CCBE1: variants seen among roughly 807,000 people sequenced by gnomAD.
The protein encoded by CCBE1 is collagen and calcium-binding EGF domain-containing protein 1.
In CCBE1, 37 loss-of-function variants were observed where a neutral mutation model predicts 50.0. The ratio of observed to expected loss-of-function variants is 0.74; its 90% CI spans 0.57 to 0.97. The LOEUF (loss-of-function observed/expected upper bound fraction) is 0.97. CCBE1 is among the 50% of genes least tolerant of loss of function. The pLI is 0.00. For synonymous variants in CCBE1, 234 were observed against 203.7 expected (o/e 1.15, Z -1.27); for missense variants, 538 against 523.8 (o/e 1.03, Z -0.26).
At chr18:59,480,270 A>T (rs1446254939) in intron 2 of CCBE1, 32 bp from the exon 3 acceptor site, 8 of 1,432,412 alleles carry the variant, frequency 5.6e-6, no homozygotes, top group East Asian at 4.6e-5. Context: ...AAAATATAAT[A>T]ATTAGGCTAA....
chr18:59,439,580 T>G lies in CCBE1; in HGVS notation c.916-2A>C. 6.2e-7 allele frequency: 1 copy of G among 1,614,268 alleles called. No homozygotes were observed. Among genetic ancestry groups the G allele is most frequent in the African/African-American group, 1.3e-5 (1 of 75,070 alleles). ...TCTTCCTGGTGCCCCTGGTGGACCC[T>G]GTAATACAAAAGGATCTGGTTTAAC... On this transcript the variant is annotated splice_acceptor_variant, in intron 8 of 10. Transcript: ENST00000439986. LOFTEE classifies it high-confidence loss of function.
chr18:59,479,571 C>T (rs111785867), intron 3 of CCBE1, among the ~76,000 whole-genome samples: 2 of 152,230 alleles, frequency 1.3e-5, no homozygotes, highest in South Asian at 4.1e-4. Flanking sequence ...CATACTAATA[C>T]TACCCTGTAA....
intron 2 of CCBE1, among the ~76,000 whole-genome samples, chr18:59,516,716 A>AC (rs1914389847): frequency 2.0e-5 from 3 of 152,008 alleles, no homozygotes; most frequent in African/African-American, 7.3e-5. Context: ...TTACAACATG[A>AC]CCTAGTTCCT....
chr18:59,525,409 TTTAA>T (rs1914777460), intron 2 of CCBE1, among the ~76,000 whole-genome samples: 1 of 152,246 alleles, frequency 6.6e-6, no homozygotes, highest in Admixed American at 6.5e-5. Context: ...TTGCCAACTT[TTTAA>T]TTAGATTTTT....
chr18:59,576,105 A>C (rs1372806317), intron 2 of CCBE1, among the ~76,000 whole-genome samples: 1 of 152,168 alleles, frequency 6.6e-6, no homozygotes, highest in African/African-American at 2.4e-5. Context: ...TCCATTCATG[A>C]GTGTATGTTC....
intron 2 of CCBE1, among the ~76,000 whole-genome samples, chr18:59,536,473 T>C (rs1173270863): frequency 6.6e-6 from 1 of 152,158 alleles, no homozygotes; most frequent in Non-Finnish European, 1.5e-5. Context: ...CCGAAGACAA[T>C]TTCAAAAAGA....
intron 2 of CCBE1, among the ~76,000 whole-genome samples, chr18:59,482,293 C>G (rs891790247): frequency 6.6e-6 from 1 of 152,118 alleles, no homozygotes; most frequent in Non-Finnish European, 1.5e-5. Context: ...AGTCAGGAAA[C>G]AACAGATGCT....
intron 2 of CCBE1, among the ~76,000 whole-genome samples, chr18:59,549,585 A>G (rs934564616): frequency 2.0e-5 from 3 of 152,338 alleles, no homozygotes; most frequent in South Asian, 4.1e-4. Context: ...ACCTTACTCC[A>G]AGTCCCACTG....
chr18:59,473,815 C>CCT (rs1568159444), intron 3 of CCBE1, among the ~76,000 whole-genome samples: 2 of 318 alleles, frequency 6.3e-3, no homozygotes, highest in Non-Finnish European at 6.4e-3. Flanking sequence ...TCCCACTATT[C>CCT]CCCCCTACTA....
chr18:59,474,416 T>C (rs1476843835), intron 3 of CCBE1, among the ~76,000 whole-genome samples: 2 of 152,242 alleles, frequency 1.3e-5, no homozygotes, highest in Non-Finnish European at 2.9e-5. Flanking sequence ...GCCAGTGCAT[T>C]ACAAGTTCAG....
chr18:59,543,129 C>T (rs1915534216), intron 2 of CCBE1, among the ~76,000 whole-genome samples: 1 of 152,106 alleles, frequency 6.6e-6, no homozygotes, highest in Non-Finnish European at 1.5e-5. Flanking sequence ...ATATTTTACA[C>T]AAAAAGTTAC....
At chr18:59,659,617 T>G (rs1255518489) in intron 2 of CCBE1, among the ~76,000 whole-genome samples, 2 of 151,488 alleles carry the variant, frequency 1.3e-5, no homozygotes, top group Non-Finnish European at 2.9e-5. Context: ...CAGAAAAGAG[T>G]CATGACAGGG....
intron 5 of CCBE1, among the ~76,000 whole-genome samples, chr18:59,461,729 C>CT (rs36013463): frequency 0.54 from 58,553 of 108,964 alleles, 17,378 homozygotes; most frequent in Middle Eastern, 0.69. Context: ...CAGGTGTAAT[C>CT]TTTTTTTTTT....
At chr18:59,628,106 C>A (rs1434413223) in intron 2 of CCBE1, among the ~76,000 whole-genome samples, 1 of 151,930 alleles carries the variant, frequency 6.6e-6, no homozygotes, top group Non-Finnish European at 1.5e-5. Flanking sequence ...CCCAGCTACT[C>A]GGGAGGCTGA....
At chr18:59,468,004 C>T (rs1010081316) in intron 4 of CCBE1, among the ~76,000 whole-genome samples, 7 of 152,116 alleles carry the variant, frequency 4.6e-5, no homozygotes, top group Admixed American at 2.0e-4. Context: ...CCTGTACTGC[C>T]CAGAGAGAGA....
At chr18:59,496,086 C>T (rs928826074) in intron 2 of CCBE1, among the ~76,000 whole-genome samples, 25 of 152,048 alleles carry the variant, frequency 1.6e-4, no homozygotes, top group Admixed American at 3.3e-4. Context: ...ATTTTTTTTC[C>T]TTTTTGCAAA....
chr18:59,649,587 C>T (rs1400916211), intron 2 of CCBE1, among the ~76,000 whole-genome samples: 3 of 152,184 alleles, frequency 2.0e-5, no homozygotes, highest in Admixed American at 6.5e-5. Flanking sequence ...AGGCAAGGAC[C>T]CTCTGCCTAC....
chr18:59,661,001 GT>G (rs58257621), intron 2 of CCBE1, among the ~76,000 whole-genome samples: 4 of 150,530 alleles, frequency 2.7e-5, no homozygotes, highest in East Asian at 1.9e-4. Context: ...ACTGGGAGGT[GT>G]TTTTTTTTGT....
intron 2 of CCBE1, among the ~76,000 whole-genome samples, chr18:59,503,716 A>G (rs570648972): frequency 1.1e-4 from 16 of 152,292 alleles, no homozygotes; most frequent in African/African-American, 3.6e-4. Context: ...TATCCTATTA[A>G]TATAATTTCT....
Sources: gnomAD v4.1 joint callset for allele counts (sites outside exome capture counted in the v4.1 genomes callset) on GRCh38, gnomAD v4.1.1 for gene constraint, MANE v1.5 for transcripts, NCBI Gene and HGNC (gene_info 2026-07-23, HGNC 2026-07-21) for gene names.